CD247: variants seen among roughly 807,000 people sequenced by gnomAD.
CD247 encodes T-cell surface glycoprotein CD3 zeta chain.
CD247 carries 13 observed loss-of-function variants against 30.0 expected under a neutral mutation model. That is an observed-to-expected ratio of 0.43 (90% confidence interval 0.28 to 0.69). CD247 has a LOEUF of 0.69. Among genes scored for constraint, CD247 ranks in the 30% least tolerant of loss-of-function variants. The probability of loss-of-function intolerance (pLI) is 0.16; values close to 1 mark genes in which losing one functional copy is unlikely to be tolerated. For synonymous variants in CD247, 72 were observed against 80.0 expected, an observed-to-expected ratio of 0.90 and a Z score of 0.53; for missense variants, 193 against 212.6, an observed-to-expected ratio of 0.91 and a Z score of 0.57.
At chr1:167,448,563 A>G (rs2102006849) in intron 1 of CD247, 1 of 982,162 alleles carries the variant, frequency 1.0e-6, no homozygotes, top group Non-Finnish European at 1.2e-6. Context: ...GCTTATAGCA[A>G]TGACCCACTG....
intron 4 of CD247, among the ~76,000 whole-genome samples, chr1:167,437,587 T>C (rs970255359): frequency 2.6e-5 from 4 of 152,138 alleles, no homozygotes; most frequent in Non-Finnish European, 5.9e-5. Context: ...CTAGAGACCA[T>C]TATGCCAAGT....
intron 1 of CD247, among the ~76,000 whole-genome samples, chr1:167,517,731 G>T (rs1270905751): frequency 2.0e-5 from 3 of 152,190 alleles, no homozygotes; most frequent in Admixed American, 1.3e-4. Flanking sequence ...GCCTGGGATG[G>T]TGCGTCACCC....
At chr1:167,460,810 A>G (rs1037201810) in intron 1 of CD247, among the ~76,000 whole-genome samples, 1 of 149,056 alleles carries the variant, frequency 6.7e-6, no homozygotes, top group Non-Finnish European at 1.5e-5. Context: ...TCATTGTTCA[A>G]CTCTCGGGGA....
intron 1 of CD247, among the ~76,000 whole-genome samples, chr1:167,441,793 C>T (rs1189723506): frequency 6.6e-6 from 1 of 152,208 alleles, no homozygotes; most frequent in African/African-American, 2.4e-5. Context: ...TGCAGATACA[C>T]TAAATACTCT....
At chr1:167,486,406 C>T (rs1035334325) in intron 1 of CD247, among the ~76,000 whole-genome samples, 1 of 152,168 alleles carries the variant, frequency 6.6e-6, no homozygotes, top group Non-Finnish European at 1.5e-5. Context: ...TGGACAATTT[C>T]GGAGTGTTGT....
chr1:167,510,239 C>T (rs1288164249), intron 1 of CD247, among the ~76,000 whole-genome samples: 1 of 152,224 alleles, frequency 6.6e-6, no homozygotes, highest in African/African-American at 2.4e-5. Context: ...AGGCACACAT[C>T]CATCAGCATA....
intron 1 of CD247, among the ~76,000 whole-genome samples, chr1:167,460,188 G>C (rs1019402205): frequency 6.6e-6 from 1 of 152,126 alleles, no homozygotes; most frequent in African/African-American, 2.4e-5. Flanking sequence ...GATGGCTTGA[G>C]CCCAGGGGTT....
intron 1 of CD247, among the ~76,000 whole-genome samples, chr1:167,498,578 C>T (rs1028941631): frequency 3.9e-5 from 6 of 152,218 alleles, no homozygotes; most frequent in African/African-American, 1.4e-4. Context: ...TACAGTGCTG[C>T]TATGGGCCTA....
intron 1 of CD247, among the ~76,000 whole-genome samples, chr1:167,482,338 C>T (rs1377298434): frequency 3.3e-5 from 5 of 152,212 alleles, no homozygotes; most frequent in African/African-American, 9.6e-5. Context: ...AGAAAGAAGG[C>T]GGGTCTTCCC....
chr1:167,433,106 G>A (rs770188589), intron 6 of CD247, 47 bp from the exon 7 acceptor site: 1 of 1,601,208 alleles, frequency 6.2e-7, no homozygotes, highest in African/African-American at 1.3e-5. Context: ...AAGTCAGGCA[G>A]TCAGTAGTGG....
intron 1 of CD247, among the ~76,000 whole-genome samples, chr1:167,466,879 G>A (rs1218437803): frequency 6.7e-6 from 1 of 149,172 alleles, no homozygotes; most frequent in African/African-American, 2.5e-5. Context: ...TCGCTCTGTC[G>A]CCCAGGCTGG....
chr1:167,469,724 A>G (rs898912679), intron 1 of CD247, among the ~76,000 whole-genome samples: 13 of 152,010 alleles, frequency 8.6e-5, no homozygotes, highest in African/African-American at 2.9e-4. Context: ...AATATGTCCT[A>G]GTCATTACAG....
chr1:167,434,830 A>G (rs1230431444), intron 5 of CD247: 2 of 458,982 alleles, frequency 4.4e-6, no homozygotes, highest in East Asian at 1.4e-4. Context: ...CAAGCAGGTG[A>G]GACATTACTC....
At chr1:167,465,637 TTTC>T (rs1480712851) in intron 1 of CD247, among the ~76,000 whole-genome samples, 13 of 152,330 alleles carry the variant, frequency 8.5e-5, no homozygotes, top group African/African-American at 2.9e-4. Flanking sequence ...AGCCCCTTTC[TTTC>T]TTCTTCACCT....
Position 167,494,079 on chromosome 1 carries a change from G to A in CD247, c.58+24329C>T, listed in dbSNP as rs1414048889. ...AGGCTGCAAAATGATGACAGAGCTT[G>A]GGGCTATGATCTGGACTGGGTACCC... On this transcript the variant is annotated intron_variant, in intron 1 of 7. Transcript: ENST00000362089. This position sits in a 1 kb window ranked among gnomAD's most constrained non-coding sequence, Gnocchi z 7.3. Among the ~76,000 whole-genome samples, 1 of 152,096 alleles carries A rather than the reference G, an allele frequency of 6.6e-6. No homozygotes were observed. The highest frequency in any genetic ancestry group is 1.5e-5 in the Non-Finnish European group (1 of 68,022).
intron 1 of CD247, among the ~76,000 whole-genome samples, chr1:167,475,193 T>A (rs1038864673): frequency 6.6e-6 from 1 of 152,180 alleles, no homozygotes; most frequent in African/African-American, 2.4e-5. Flanking sequence ...CCACCATTTT[T>A]ATTATAAAAT....
chr1:167,436,897 C>T (rs980826822), intron 4 of CD247, among the ~76,000 whole-genome samples: 1 of 152,006 alleles, frequency 6.6e-6, no homozygotes, highest in Admixed American at 6.6e-5. Flanking sequence ...ATTAATACAA[C>T]CATTATGGAA....
intron 1 of CD247, among the ~76,000 whole-genome samples, chr1:167,518,073 T>G (rs1009175398): frequency 5.3e-5 from 8 of 152,178 alleles, no homozygotes; most frequent in Non-Finnish European, 1.0e-4. Context: ...CTGTCCAGCT[T>G]CTGTGAAACA....
chr1:167,512,180 T>G (rs1462807336), intron 1 of CD247, among the ~76,000 whole-genome samples: 1 of 152,190 alleles, frequency 6.6e-6, no homozygotes, highest in Non-Finnish European at 1.5e-5. Flanking sequence ...TCTTCAAGTC[T>G]GTTCTCACCA....
Sources: gnomAD v4.1 joint callset for allele counts (sites outside exome capture counted in the v4.1 genomes callset) on GRCh38, gnomAD v4.1.1 for gene constraint, Gnocchi (gnomAD v3.1) non-coding constraint, MANE v1.5 for transcripts, NCBI Gene and HGNC (gene_info 2026-07-23, HGNC 2026-07-21) for gene names.